The following CCDC198 variants were observed in gnomAD, a reference collection of about 807,000 sequenced individuals.
The protein encoded by CCDC198 is factor associated with metabolism and energy.
A neutral mutation model predicts 35.6 loss-of-function variants in CCDC198; 18 were observed. The observed-to-expected ratio is 0.51, with a 90% CI of 0.35 to 0.75. The LOEUF is 0.75. Among genes scored for constraint, CCDC198 ranks in the 30% least tolerant of loss-of-function variants. The pLI, the probability that CCDC198 is intolerant of heterozygous loss-of-function variation, is 0.01. For synonymous variants in CCDC198, 119 were observed against 113.4 expected (o/e 1.05, Z -0.31); for missense variants, 365 against 343.7 (o/e 1.06, Z -0.49).
chr14:57,472,827 A>G (rs2139459072), intron 5 of CCDC198, among the ~76,000 whole-genome samples: 1 of 152,328 alleles, frequency 6.6e-6, no homozygotes, highest in South Asian at 2.1e-4. Flanking sequence ...GCTGGCTTTT[A>G]AGAAAACAAA....
chr14:57,476,632 T>G (rs1350068180), intron 5 of CCDC198, among the ~76,000 whole-genome samples: 1 of 152,244 alleles, frequency 6.6e-6, no homozygotes, highest in African/African-American at 2.4e-5. Context: ...GATTTCATTT[T>G]AAAGATGCAG....
At chr14:57,480,196 G>T in intron 5 of CCDC198, 1 of 811,492 alleles carries the variant, frequency 1.2e-6, no homozygotes, top group Non-Finnish European at 1.5e-6. Context: ...CAGTCAGGAA[G>T]ATAAGTGTCT....
chr14:57,479,881 G>A (rs2067124775), intron 5 of CCDC198, among the ~76,000 whole-genome samples: 1 of 152,126 alleles, frequency 6.6e-6, no homozygotes, highest in South Asian at 2.1e-4. Flanking sequence ...ATTGATGGAT[G>A]GACAGTAAGA....
intron 4 of CCDC198, among the ~76,000 whole-genome samples, chr14:57,481,056 C>A (rs897096347): frequency 2.6e-5 from 4 of 152,198 alleles, no homozygotes; most frequent in African/African-American, 9.7e-5. Flanking sequence ...AGAGCAGTAA[C>A]TAAAGGCTCA....
intron 1 of CCDC198, among the ~76,000 whole-genome samples, chr14:57,492,379 C>T (rs2067600468): frequency 6.6e-6 from 1 of 151,938 alleles, no homozygotes; most frequent in Non-Finnish European, 1.5e-5. Flanking sequence ...GACAGAGTCT[C>T]TCTCTGTCAC....
chr14:57,482,293 C>T (rs2057254633), intron 3 of CCDC198, among the ~76,000 whole-genome samples: 1 of 152,138 alleles, frequency 6.6e-6, no homozygotes, highest in Non-Finnish European at 1.5e-5. Context: ...TTTGCTGTTG[C>T]CAGGAAAGAT....
chr14:57,476,758 CCTTAATGACCAGACCCTGATAGTAGAATG>C (rs1231518570), intron 5 of CCDC198, among the ~76,000 whole-genome samples: 5 of 152,102 alleles, frequency 3.3e-5, no homozygotes, highest in East Asian at 1.9e-4. Context: ...TACAGAGGAA[CCTTAATGACCAGACCCTGATAGTAGAATG>C]CTTAATGACC....
intron 5 of CCDC198, among the ~76,000 whole-genome samples, chr14:57,476,488 C>G (rs559914701): frequency 6.6e-6 from 1 of 152,262 alleles, no homozygotes; most frequent in Admixed American, 6.5e-5. Context: ...GCCACAGAAA[C>G]ACATTAAATC....
chr14:57,488,543 G>C (rs1439072457), intron 2 of CCDC198, among the ~76,000 whole-genome samples: 2 of 152,008 alleles, frequency 1.3e-5, no homozygotes, highest in Non-Finnish European at 2.9e-5. Flanking sequence ...CTCATATTAA[G>C]TATTAATGGC....
intron 3 of CCDC198, among the ~76,000 whole-genome samples, chr14:57,482,120 C>G (rs2067208380): frequency 6.6e-6 from 1 of 152,168 alleles, no homozygotes; most frequent in Non-Finnish European, 1.5e-5. Flanking sequence ...GAGTGCATTT[C>G]CATATGCCAG....
At chr14:57,485,853 A>G (rs1217741707) in intron 2 of CCDC198, among the ~76,000 whole-genome samples, 1 of 152,216 alleles carries the variant, frequency 6.6e-6, no homozygotes, top group East Asian at 1.9e-4. Context: ...TCTCTGTTCC[A>G]TTCTCACCTC....
Position 57,471,208 on chromosome 14 carries a change from C to T in CCDC198, c.*147G>A. 3.2e-6 allele frequency: 2 copies of T among 618,598 alleles called. No individual in the cohort carries two copies. The highest frequency in any genetic ancestry group is 5.6e-6 in the Non-Finnish European group (2 of 359,956). The allele number at this position is 618,598 out of a possible 1,614,324, so 38.3% of individuals were successfully genotyped here. On this transcript the variant is annotated 3_prime_UTR_variant, in exon 6 of 6. Coordinates refer to ENST00000216445, the MANE Select transcript of CCDC198 (RefSeq NM_018168.4). ...AATAGTTAACAGCACATGTGACGGA[C>T]TTGTTAATCATAAGACTCTAAAGAT... is the stretch of plus-strand genomic sequence containing the variant.
chr14:57,476,126 A>G (rs2066989486), intron 5 of CCDC198, among the ~76,000 whole-genome samples: 1 of 151,992 alleles, frequency 6.6e-6, no homozygotes, highest in African/African-American at 2.4e-5. Flanking sequence ...TTTACATTTT[A>G]TGTGTGCTTT....
chr14:57,469,802 A>T lies in CCDC198; in HGVS notation c.*1553T>A, dbSNP rs2066785258. 1 of 152,214 alleles carries T rather than the reference A, an allele frequency of 6.6e-6. No homozygotes were observed. The allele number at this position is 152,214 out of a possible 1,614,324, so 9.4% of individuals were successfully genotyped here. A position where few individuals can be genotyped will look rare whatever the true frequency, so the allele number is the denominator to read the frequency against. The stretch of plus-strand genomic sequence containing the variant: ...TATCACCTGACATCTCAGGCTTGTT[A>T]TCTTCTTAGTTTCTGATGTGAATGC... On this transcript the variant is annotated 3_prime_UTR_variant, in exon 6 of 6. Coordinates refer to ENST00000216445, the MANE Select transcript of CCDC198 (RefSeq NM_018168.4).
chr14:57,480,169 C>G (rs1439356625), intron 5 of CCDC198: 1 of 575,072 alleles, frequency 1.7e-6, no homozygotes, highest in African/African-American at 2.0e-5. Context: ...GAGAGTTGAC[C>G]TCCACAGAAA....
rs533439269 is a variant in CCDC198 at position 57,477,044 on chromosome 14, T to C, written c.655+3551A>G. ...CTCACTGGCTGGCTGTGACCTTGCA[T>C]ATGTGACTGGACCTCTCTGGACCCA... is the stretch of plus-strand genomic sequence containing the variant. On this transcript the variant is annotated intron_variant, in intron 5 of 5. Transcript: ENST00000216445. Among the ~76,000 whole-genome samples the C allele has an allele frequency of 5.3e-5, 8 of 152,310 alleles. 1 individual carries two copies. Among genetic ancestry groups the C allele is most frequent in the African/African-American group, 1.9e-4 (8 of 41,580 alleles).
intron 2 of CCDC198, among the ~76,000 whole-genome samples, chr14:57,486,768 T>A (rs1327468559): frequency 6.6e-6 from 1 of 152,204 alleles, no homozygotes; most frequent in Non-Finnish European, 1.5e-5. Context: ...AAGTTTTTGC[T>A]TTGATAGTAT....
At chr14:57,485,019 G>A (rs1421105999) in intron 2 of CCDC198, among the ~76,000 whole-genome samples, 1 of 152,166 alleles carries the variant, frequency 6.6e-6, no homozygotes, top group East Asian at 1.9e-4. Context: ...AGAGTCCACA[G>A]TACAATGAAT....
Position 57,480,725 on chromosome 14 carries a change from A to G in CCDC198, c.525T>C (p.His175=), listed in dbSNP as rs1203824953. 14 of 1,613,998 alleles carry G rather than the reference A, an allele frequency of 8.7e-6. No homozygotes were observed. Among genetic ancestry groups the G allele is most frequent in the South Asian group, 3.3e-5 (3 of 91,050 alleles). The change falls in exon 5 of 6, where the codon CAT becomes CAC. Residue 175 remains histidine, a synonymous_variant. Transcript: ENST00000216445. The part of the protein sequence containing the change: ...EAQMELKKSL[H]GEARINKQSP... Reference sequence around the variant, plus strand: ...TTTGCTTATTAATTCTTGCCTCTCCATGAAGACTTTTCTTTAACTCCATTT... The same window carrying G: ...TTTGCTTATTAATTCTTGCCTCTCCGTGAAGACTTTTCTTTAACTCCATTT...
Sources: gnomAD v4.1 joint callset for allele counts (sites outside exome capture counted in the v4.1 genomes callset) on GRCh38, gnomAD v4.1.1 for gene constraint, MANE v1.5 for transcripts, NCBI Gene and HGNC (gene_info 2026-07-23, HGNC 2026-07-21) for gene names.